The following NF1 variants were observed in gnomAD, a reference collection of about 807,000 sequenced individuals.
The protein encoded by NF1 is neurofibromin 1.
A neutral mutation model predicts 325.7 loss-of-function variants in NF1; 122 were observed. That is an observed-to-expected ratio of 0.37 (90% CI 0.32 to 0.44). The LOEUF (loss-of-function observed/expected upper bound fraction) is 0.44, where lower values mean the gene tolerates loss of function less well. Among genes scored for constraint, NF1 ranks in the 20% least tolerant of loss-of-function variants. The pLI, the probability that NF1 is intolerant of heterozygous loss-of-function variation, is 1.00. For synonymous variants in NF1, 1,091 were observed against 1,186.0 expected (o/e 0.92, Z 1.65); for missense variants, 2,140 against 3,415.4 (o/e 0.63, Z 9.31).
intron 57 of NF1, chr17:31,367,198 CT>C (rs1026169567): frequency 3.0e-5 from 39 of 1,291,616 alleles, no homozygotes; most frequent in Admixed American, 6.9e-5. Context: ...CACTTACTTG[CT>C]TTTTTTTCTT....
intron 1 of NF1, among the ~76,000 whole-genome samples, chr17:31,116,611 A>G (rs1257723546): frequency 1.3e-5 from 2 of 152,004 alleles, no homozygotes; most frequent in Non-Finnish European, 2.9e-5. Context: ...TACTTTTATC[A>G]CTCAATATAG....
intron 57 of NF1, chr17:31,362,276 C>CT (rs2070417843): frequency 5.1e-6 from 5 of 985,066 alleles, no homozygotes; most frequent in Non-Finnish European, 6.0e-6. Context: ...TTAAAATTTA[C>CT]TTTTTTTACA....
Position 31,095,335 on chromosome 17 carries a change from G to A in NF1, c.26G>A (p.Trp9Ter), listed in dbSNP as rs1567786829. The A allele has an allele frequency of 6.5e-7, 1 of 1,539,506 alleles. No individual in the cohort carries two copies. The highest frequency in any genetic ancestry group is 8.7e-7 in the Non-Finnish European group (1 of 1,146,340). The change falls in exon 1 of 58, where the codon TGG becomes TAG. Residue 9 changes from tryptophan (W) to a stop codon, truncating the protein, a stop_gained. Coordinates refer to ENST00000358273, the MANE Select transcript of NF1 (RefSeq NM_001042492.3). LOFTEE classifies it high-confidence loss of function. MAAHRPVE[W>*]VQAVVSRFDE... The stretch of plus-strand genomic sequence containing the variant: ...ATGGCCGCGCACAGGCCGGTGGAAT[G>A]GGTCCAGGCCGTGGTCAGCCGCTTC...
At chr17:31,177,086 T>G (rs1402800370) in intron 5 of NF1, among the ~76,000 whole-genome samples, 1 of 152,222 alleles carries the variant, frequency 6.6e-6, no homozygotes, top group East Asian at 1.9e-4. Flanking sequence ...ATCTATAAAT[T>G]GCTTTGGGCA....
intron 36 of NF1, chr17:31,318,313 T>A: frequency 6.2e-7 from 1 of 1,606,518 alleles, no homozygotes. Flanking sequence ...CTAACCTATC[T>A]GTTTGTTAGT....
chr17:31,325,630 GTCTCT>G (rs1306089306), intron 36 of NF1, among the ~76,000 whole-genome samples, 185 bp from the exon 37 acceptor site: 1 of 152,044 alleles, frequency 6.6e-6, no homozygotes, highest in East Asian at 1.9e-4. Context: ...TTGGAGATTT[GTCTCT>G]TCTCTTAGCC....
At chr17:31,298,671 G>A (rs991454195) in intron 36 of NF1, among the ~76,000 whole-genome samples, 1 of 151,996 alleles carries the variant, frequency 6.6e-6, no homozygotes, top group Non-Finnish European at 1.5e-5. Flanking sequence ...GGGTTCAGTT[G>A]AACTCTCAAT....
At chr17:31,241,074 C>T (rs2067287691) in intron 29 of NF1, among the ~76,000 whole-genome samples, 1 of 152,140 alleles carries the variant, frequency 6.6e-6, no homozygotes. Context: ...GACAGGGTTT[C>T]ACCACGTTGG....
At chr17:31,187,023 C>G (rs1245878217) in intron 8 of NF1, among the ~76,000 whole-genome samples, 3 of 152,172 alleles carry the variant, frequency 2.0e-5, no homozygotes, top group African/African-American at 7.2e-5. Flanking sequence ...GACACTTACT[C>G]CTGATATGGG....
chr17:31,150,861 G>A (rs1277355529), intron 1 of NF1, among the ~76,000 whole-genome samples: 4 of 151,798 alleles, frequency 2.6e-5, no homozygotes, highest in Non-Finnish European at 4.4e-5. Flanking sequence ...GTGAAACCCC[G>A]TCTCTACTAA....
intron 1 of NF1, among the ~76,000 whole-genome samples, chr17:31,118,286 A>G (rs1352310740): frequency 6.6e-6 from 1 of 151,646 alleles, no homozygotes; most frequent in Non-Finnish European, 1.5e-5. Flanking sequence ...TGCAGTCCAG[A>G]TGCTGATTTT....
At chr17:31,147,267 C>G (rs998517104) in intron 1 of NF1, among the ~76,000 whole-genome samples, 2 of 152,170 alleles carry the variant, frequency 1.3e-5, no homozygotes, top group Admixed American at 1.3e-4. Context: ...ATCCTGACTT[C>G]TAAAATCATG....
chr17:31,229,890 A>T lies in NF1; in HGVS notation c.2906A>T (p.Lys969Met). The T allele has an allele frequency of 6.2e-7, 1 of 1,611,878 alleles. No individual in the cohort carries two copies. The highest frequency in any genetic ancestry group is 2.2e-5 in the East Asian group (1 of 44,872). Reference protein sequence around the residue: ...QFVEQTIAIMKNLLDNHTEGS... With the variant: ...QFVEQTIAIMMNLLDNHTEGS... Reference sequence around the variant, plus strand: ...GTAGAACAAACCATAGCTATAATGAAGAACTTGCTAGATAATCATACTGAA... The same window carrying T: ...GTAGAACAAACCATAGCTATAATGATGAACTTGCTAGATAATCATACTGAA... Residue 969 changes from lysine (K) to methionine (M), a missense_variant, in exon 22 of 58, where the codon AAG becomes ATG. Physicochemically the swap from Lys to Met is moderately conservative, Grantham distance 95 (BLOSUM62 -1). Transcript: ENST00000358273.
intron 1 of NF1, among the ~76,000 whole-genome samples, chr17:31,134,166 C>T (rs1021985057): frequency 1.3e-5 from 2 of 152,128 alleles, no homozygotes; most frequent in African/African-American, 4.8e-5. Context: ...AAGTGGAAGC[C>T]ACTGTACCTA....
intron 36 of NF1, among the ~76,000 whole-genome samples, chr17:31,277,325 T>G (rs901810621): frequency 6.6e-6 from 1 of 152,214 alleles, no homozygotes; most frequent in Non-Finnish European, 1.5e-5. Flanking sequence ...ATTCTTGCTT[T>G]CTTCTATCAA....
intron 12 of NF1, among the ~76,000 whole-genome samples, chr17:31,208,059 AG>A (rs2066655661): frequency 6.6e-6 from 1 of 152,192 alleles, no homozygotes; most frequent in Admixed American, 6.5e-5. Flanking sequence ...CTCTACACTT[AG>A]AAGTTATTTT....
intron 5 of NF1, among the ~76,000 whole-genome samples, chr17:31,179,781 TAA>T (rs752195315): frequency 7.2e-6 from 1 of 139,042 alleles, no homozygotes; most frequent in Non-Finnish European, 1.6e-5. Context: ...AGACTCTGTT[TAA>T]AAAAAAAAAA....
intron 2 of NF1, among the ~76,000 whole-genome samples, chr17:31,157,096 G>C (rs1163239912): frequency 6.6e-6 from 1 of 152,022 alleles, no homozygotes; most frequent in Non-Finnish European, 1.5e-5. Flanking sequence ...AAGTGATTTT[G>C]CTGCCTCAGG....
intron 4 of NF1, among the ~76,000 whole-genome samples, chr17:31,166,800 C>T (rs1192273630): frequency 6.6e-6 from 1 of 151,998 alleles, no homozygotes; most frequent in Non-Finnish European, 1.5e-5. Flanking sequence ...CGTTTATATC[C>T]AGTCTCCATG....
Sources: allele counts gnomAD v4.1 joint callset (sites outside exome capture counted in the v4.1 genomes callset), GRCh38; gene constraint gnomAD v4.1.1; transcripts MANE v1.5; gene names NCBI Gene and HGNC (gene_info 2026-07-23, HGNC 2026-07-21).